Variants in CSGALNACT2 observed in about 807,000 individuals in gnomAD.
CSGALNACT2 encodes chondroitin sulfate N-acetylgalactosaminyltransferase 2.
A neutral mutation model predicts 55.3 loss-of-function variants in CSGALNACT2; 35 were observed. That is an observed-to-expected ratio of 0.63 (90% CI 0.48 to 0.84). CSGALNACT2 has a LOEUF of 0.84. Among genes scored for constraint, CSGALNACT2 ranks in the 40% least tolerant of loss-of-function variants. The pLI, the probability that CSGALNACT2 is intolerant of heterozygous loss-of-function variation, is 0.00. For synonymous variants in CSGALNACT2, 196 were observed against 224.9 expected, an observed-to-expected ratio of 0.87 and a Z score of 1.15; for missense variants, 544 against 657.5, an observed-to-expected ratio of 0.83 and a Z score of 1.89.
At chr10:43,162,549 G>C in intron 4 of CSGALNACT2, 1 of 985,408 alleles carries the variant, frequency 1.0e-6, no homozygotes, top group Non-Finnish European at 1.2e-6. Context: ...TTAAGACGGG[G>C]AGAAGAGTCC....
At chr10:43,162,994 A>G in intron 4 of CSGALNACT2, 2 of 985,312 alleles carry the variant, frequency 2.0e-6, no homozygotes, top group Non-Finnish European at 2.4e-6. Flanking sequence ...TCCCATTTTA[A>G]GATTCCGTTG....
chr10:43,157,569 A>G (rs1839041796), intron 2 of CSGALNACT2, among the ~76,000 whole-genome samples: 2 of 152,306 alleles, frequency 1.3e-5, no homozygotes, highest in Admixed American at 6.5e-5. Context: ...TGCTTGTCAC[A>G]GTATGTGGCA....
intron 1 of CSGALNACT2, among the ~76,000 whole-genome samples, chr10:43,143,536 TGG>T (rs1838678783): frequency 7.0e-6 from 1 of 142,312 alleles, no homozygotes; most frequent in Non-Finnish European, 1.5e-5. Flanking sequence ...TGTGTGTGTG[TGG>T]AATCATAATA....
At chr10:43,152,803 T>G (rs189881480) in intron 1 of CSGALNACT2, among the ~76,000 whole-genome samples, 151 of 152,332 alleles carry the variant, frequency 9.9e-4, no homozygotes, top group African/African-American at 3.4e-3. Context: ...CAAGATTATG[T>G]CTCCACATTT....
chr10:43,176,010 T>C lies in CSGALNACT2; in HGVS notation c.1314T>C (p.Tyr438=), dbSNP rs768741535. 6.2e-7 allele frequency: 1 copy of C among 1,610,594 alleles called. No homozygotes were observed. Among genetic ancestry groups the C allele is most frequent in the Non-Finnish European group, 8.5e-7 (1 of 1,178,982 alleles). ...RDFGFGMTCQ[Y]RSDFLTIGGF... Reference sequence around the variant, plus strand: ...TTGGCTTTGGAATGACTTGTCAGTATCGTTCAGATTTCCTGACCATTGGTA... The same window carrying C: ...TTGGCTTTGGAATGACTTGTCAGTACCGTTCAGATTTCCTGACCATTGGTA... Residue 438 remains tyrosine (Y), a synonymous_variant, in exon 7 of 8, where the codon TAT becomes TAC. Coordinates refer to ENST00000374466, the MANE Select transcript of CSGALNACT2 (RefSeq NM_018590.5).
At position 43,175,969 on chromosome 10, in the gene CSGALNACT2, G is replaced by C; in HGVS notation, c.1273G>C (p.Gly425Arg). The part of the protein sequence containing the change: ...EQQLVHKKDS[G>R]FWRDFGFGMT... The stretch of plus-strand genomic sequence containing the variant: ...AACTAAGGTTCACAAAAAGGATTCT[G>C]GCTTTTGGCGAGATTTTGGCTTTGG... The change falls in exon 7 of 8, where the codon GGC (glycine) becomes CGC (arginine). Residue 425 changes from glycine to arginine, a missense_variant. Coordinates refer to ENST00000374466, the MANE Select transcript of CSGALNACT2 (RefSeq NM_018590.5). 6.2e-7 allele frequency: 1 copy of C among 1,607,050 alleles called. No homozygotes were observed. Among genetic ancestry groups the C allele is most frequent in the Non-Finnish European group, 8.5e-7 (1 of 1,178,014 alleles).
intron 7 of CSGALNACT2, among the ~76,000 whole-genome samples, chr10:43,181,802 G>A (rs889265357): frequency 7.3e-5 from 10 of 136,920 alleles, no homozygotes; most frequent in African/African-American, 2.9e-4. Flanking sequence ...TATTTGACAG[G>A]CCAGGCACGG....
rs1564512591 is a variant in CSGALNACT2, at chr10:43,155,259, A to C, written c.110A>C (p.Gln37Pro). ...LFMYLLECAPQTDGNASLPGV... is the reference protein window; with the variant it reads ...LFMYLLECAPPTDGNASLPGV... ...ATGTACCTCCTGGAATGTGCCCCCC[A>C]GACTGATGGAAATGCATCTCTTCCT... Residue 37 changes from glutamine (Q) to proline (P), a missense_variant, in exon 2 of 8, where the codon CAG (glutamine) becomes CCG (proline). Transcript: ENST00000374466. 6.2e-7 allele frequency: 1 copy of C among 1,614,028 alleles called. No homozygotes were observed. Among genetic ancestry groups the C allele is most frequent in the Non-Finnish European group, 8.5e-7 (1 of 1,180,016 alleles).
At chr10:43,149,197 C>A (rs1003789988) in intron 1 of CSGALNACT2, among the ~76,000 whole-genome samples, 1 of 152,192 alleles carries the variant, frequency 6.6e-6, no homozygotes, top group African/African-American at 2.4e-5. Context: ...ATTCTCCTAA[C>A]TCAGCCTCCT....
At chr10:43,165,547 C>T (rs76169834) in intron 5 of CSGALNACT2, among the ~76,000 whole-genome samples, 6,434 of 152,178 alleles carry the variant, frequency 0.042, 171 homozygotes, top group South Asian at 0.088. Context: ...CACCTTAATC[C>T]CAGCACCTTG....
At chr10:43,175,907 C>A in intron 6 of CSGALNACT2, 44 bp from the exon 7 acceptor site, 1 of 1,502,848 alleles carries the variant, frequency 6.7e-7, no homozygotes, top group Non-Finnish European at 9.0e-7. Context: ...ACTTCTGCTT[C>A]TTATGGAATT....
intron 1 of CSGALNACT2, among the ~76,000 whole-genome samples, chr10:43,154,577 T>C (rs1336108597): frequency 1.3e-5 from 2 of 152,026 alleles, no homozygotes. Flanking sequence ...AATACAAAAA[T>C]TAGCTGGGAG....
intron 1 of CSGALNACT2, among the ~76,000 whole-genome samples, chr10:43,145,559 T>C (rs1281629175): frequency 1.3e-5 from 2 of 151,868 alleles, no homozygotes; most frequent in Non-Finnish European, 2.9e-5. Context: ...CAGACATGCA[T>C]CGCCACGCCT....
chr10:43,151,777 C>T (rs1390488839), intron 1 of CSGALNACT2, among the ~76,000 whole-genome samples: 1 of 152,202 alleles, frequency 6.6e-6, no homozygotes, highest in Non-Finnish European at 1.5e-5. Flanking sequence ...GGTTCCCCTC[C>T]TTGTGTGGCT....
intron 6 of CSGALNACT2, among the ~76,000 whole-genome samples, chr10:43,169,281 A>G (rs901352101): frequency 1.3e-5 from 2 of 152,216 alleles, no homozygotes; most frequent in African/African-American, 4.8e-5. Flanking sequence ...GTGAGTAGCA[A>G]TTAACCAAGA....
chr10:43,174,290 A>T (rs770936431), intron 6 of CSGALNACT2, among the ~76,000 whole-genome samples: 1 of 151,966 alleles, frequency 6.6e-6, no homozygotes, highest in East Asian at 1.9e-4. Context: ...CTGGTTCATT[A>T]TGTGTTTTCC....
At position 43,166,811 on chromosome 10, in the gene CSGALNACT2, G is replaced by C. The variant is rs139504825; in HGVS notation, c.1160-193G>C. Among the ~76,000 whole-genome samples, 922 of 152,232 alleles carry C rather than the reference G, an allele frequency of 6.1e-3. 10 individuals carry two copies. The highest frequency in any genetic ancestry group is 0.021 in the African/African-American group (872 of 41,522). ...GTTTTTTCCTCTGTTCTTTTGCAAG[G>C]TTATAGTTAACCTACTGATATGTTA... On this transcript the variant is annotated intron_variant, in intron 5 of 7. Transcript: ENST00000374466.
chr10:43,164,304 G>T (rs1013892225), intron 5 of CSGALNACT2, among the ~76,000 whole-genome samples: 66 of 152,132 alleles, frequency 4.3e-4, no homozygotes, highest in African/African-American at 1.6e-3. Context: ...AGAGGAACAG[G>T]GTATCTACAA....
intron 6 of CSGALNACT2, among the ~76,000 whole-genome samples, chr10:43,175,394 C>T (rs1186667791): frequency 6.6e-6 from 1 of 152,142 alleles, no homozygotes; most frequent in Non-Finnish European, 1.5e-5. Context: ...CAACAACCAC[C>T]CTGGTTTACC....
Sources: allele counts gnomAD v4.1 joint callset (sites outside exome capture counted in the v4.1 genomes callset), GRCh38; gene constraint gnomAD v4.1.1; transcripts MANE v1.5; gene names NCBI Gene and HGNC (gene_info 2026-07-23, HGNC 2026-07-21).